Variants in CCDC148 observed in about 807,000 individuals in gnomAD.
CCDC148 encodes the protein coiled-coil domain-containing protein 148.
Under a neutral mutation model 85.7 loss-of-function variants are expected in CCDC148, and 89 were observed. That is an observed-to-expected ratio of 1.04 (90% CI 0.87 to 1.24). The LOEUF (loss-of-function observed/expected upper bound fraction) is 1.24, where lower values mean the gene tolerates loss of function less well. CCDC148 is among the 50% of genes most tolerant of loss of function. The pLI is 0.00. For synonymous variants in CCDC148, 230 were observed against 213.9 expected (o/e 1.08, Z -0.66); for missense variants, 692 against 671.7 (o/e 1.03, Z -0.33).
At chr2:158,230,236 G>C (rs1220572528) in intron 10 of CCDC148, among the ~76,000 whole-genome samples, 1 of 152,176 alleles carries the variant, frequency 6.6e-6, no homozygotes, top group Admixed American at 6.6e-5. Context: ...GAGACAGATA[G>C]TAAATGAATG....
At chr2:158,318,154 C>A (rs939486090) in intron 7 of CCDC148, among the ~76,000 whole-genome samples, 2 of 152,200 alleles carry the variant, frequency 1.3e-5, no homozygotes, top group Admixed American at 6.5e-5. Context: ...CCCAGGCCCA[C>A]TGTCCAGATA....
At chr2:158,215,086 T>C (rs900454441) in intron 11 of CCDC148, among the ~76,000 whole-genome samples, 4 of 152,154 alleles carry the variant, frequency 2.6e-5, no homozygotes, top group Admixed American at 1.3e-4. Context: ...TAGATCAGTT[T>C]TTAATCTAAT....
At chr2:158,338,195 C>A (rs940862604) in intron 7 of CCDC148, among the ~76,000 whole-genome samples, 2 of 152,088 alleles carry the variant, frequency 1.3e-5, no homozygotes, top group Non-Finnish European at 2.9e-5. Context: ...AATTTTAAAT[C>A]GCTGAACATT....
In CCDC148 at chr2:158,173,494, G is replaced by A. The variant is rs539197630; in HGVS notation, c.1630-1235C>T. 6.3e-4 allele frequency among the ~76,000 whole-genome samples: 96 copies of A among 152,156 alleles called. 1 individual carries two copies. Among genetic ancestry groups the A allele is most frequent in the African/African-American group, 2.1e-3 (87 of 41,542 alleles). ...GTTCAGAATAAATTAAGGTGGCAGG[G>A]AAAGAAGAAATGGAGGCCGAGAGAG... is the stretch of plus-strand genomic sequence containing the variant. On this transcript the variant is annotated intron_variant, in intron 13 of 13. Coordinates refer to ENST00000283233, the MANE Select transcript of CCDC148 (RefSeq NM_138803.4).
intron 1 of CCDC148, among the ~76,000 whole-genome samples, chr2:158,392,448 T>C (rs1685352223): frequency 6.6e-6 from 1 of 152,106 alleles, no homozygotes; most frequent in South Asian, 2.1e-4. Flanking sequence ...TTTGAAACTT[T>C]TGAGCACCAA....
intron 2 of CCDC148, among the ~76,000 whole-genome samples, chr2:158,353,714 G>T (rs1352492790): frequency 6.6e-6 from 1 of 152,102 alleles, no homozygotes; most frequent in Non-Finnish European, 1.5e-5. Context: ...ACTCAGCTCT[G>T]CACCAAGCAG....
chr2:158,352,246 GAGA>G (rs1294373350), intron 2 of CCDC148, among the ~76,000 whole-genome samples: 2 of 150,804 alleles, frequency 1.3e-5, no homozygotes, highest in East Asian at 2.0e-4. Context: ...GACGAGCTGA[GAGA>G]AGAAGGCTTC....
chr2:158,420,578 C>A (rs896080800), intron 1 of CCDC148, among the ~76,000 whole-genome samples: 13 of 152,066 alleles, frequency 8.5e-5, no homozygotes, highest in Non-Finnish European at 1.8e-4. Context: ...ACAAGAGCTC[C>A]CAAAGGAAGC....
chr2:158,266,523 C>T (rs1393459390), intron 9 of CCDC148, among the ~76,000 whole-genome samples: 3 of 152,058 alleles, frequency 2.0e-5, no homozygotes, highest in East Asian at 1.9e-4. Flanking sequence ...TCTGGCTACA[C>T]GAATAAGTTC....
At chr2:158,309,229 TTTGG>T (rs1334654014) in intron 9 of CCDC148, among the ~76,000 whole-genome samples, 200 bp downstream of exon 9, 1 of 152,222 alleles carries the variant, frequency 6.6e-6, no homozygotes, top group African/African-American at 2.4e-5. Context: ...ATAGTAACTT[TTTGG>T]TTGAACCATA....
chr2:158,254,774 T>C (rs1688943633), intron 9 of CCDC148, among the ~76,000 whole-genome samples: 1 of 151,534 alleles, frequency 6.6e-6, no homozygotes, highest in African/African-American at 2.4e-5. Context: ...GAATCGTCAT[T>C]GAATGACCTT....
rs61655275 is a variant in CCDC148 at position 158,374,372 on chromosome 2, T to G, written c.26-15802A>C. Among the ~76,000 whole-genome samples, 722 of 152,162 alleles carry G rather than the reference T, an allele frequency of 4.7e-3. 4 individuals carry two copies. The highest frequency in any genetic ancestry group is 0.016 in the African/African-American group (673 of 41,550). On this transcript the variant is annotated intron_variant, in intron 1 of 13. Transcript: ENST00000283233. ...CAAGAGCTTGGGGTTAAGAAGGAGA[T>G]TCTATGCATAGTAGACACAAATAAT...
At chr2:158,328,713 G>T (rs986126058) in intron 7 of CCDC148, among the ~76,000 whole-genome samples, 10 of 152,176 alleles carry the variant, frequency 6.6e-5, no homozygotes, top group African/African-American at 2.4e-4. Context: ...ATTCTAACTG[G>T]TGTGAGATGG....
rs150063463 is a variant in CCDC148 at position 158,415,920 on chromosome 2, C to T, written c.25+40495G>A. Among the ~76,000 whole-genome samples, 743 of 152,346 alleles carry T rather than the reference C, an allele frequency of 4.9e-3. 3 individuals carry two copies. Among genetic ancestry groups the T allele is most frequent in the African/African-American group, 0.017 (707 of 41,582 alleles). ...TCCATCTCCACATTTCCCCTCTACACTGTCCTAGTGGAGGTTCTCCATGAG... is the reference window on the plus strand; with the variant it reads ...TCCATCTCCACATTTCCCCTCTACATTGTCCTAGTGGAGGTTCTCCATGAG... On this transcript the variant is annotated intron_variant, in intron 1 of 13. Coordinates refer to ENST00000283233, the MANE Select transcript of CCDC148 (RefSeq NM_138803.4).
At chr2:158,441,814 T>C (rs964921899) in intron 1 of CCDC148, among the ~76,000 whole-genome samples, 3 of 152,180 alleles carry the variant, frequency 2.0e-5, no homozygotes, top group African/African-American at 4.8e-5. Flanking sequence ...ATATCTTCCA[T>C]GTTCATCAAG....
At chr2:158,332,170 T>C (rs936514125) in intron 7 of CCDC148, among the ~76,000 whole-genome samples, 3 of 152,016 alleles carry the variant, frequency 2.0e-5, no homozygotes, top group Admixed American at 6.6e-5. Flanking sequence ...ATGTTTAGTG[T>C]TTCCTTCAGG....
intron 1 of CCDC148, among the ~76,000 whole-genome samples, chr2:158,409,844 C>T (rs1686183454): frequency 1.3e-5 from 2 of 152,050 alleles, no homozygotes; most frequent in Admixed American, 6.6e-5. Flanking sequence ...GGGAGGGACC[C>T]GGTGGGAGAT....
chr2:158,223,444 T>C (rs990282042), intron 10 of CCDC148, among the ~76,000 whole-genome samples: 1 of 152,140 alleles, frequency 6.6e-6, no homozygotes, highest in African/African-American at 2.4e-5. Context: ...GACTTAAATG[T>C]CCCTGTCTGA....
At chr2:158,441,030 G>A (rs1009366332) in intron 1 of CCDC148, among the ~76,000 whole-genome samples, 4 of 152,076 alleles carry the variant, frequency 2.6e-5, no homozygotes, top group Admixed American at 2.0e-4. Flanking sequence ...ACTCCAGCCT[G>A]GGTGACACAG....
Sources: allele counts gnomAD v4.1 joint callset (sites outside exome capture counted in the v4.1 genomes callset), GRCh38; gene constraint gnomAD v4.1.1; transcripts MANE v1.5; gene names NCBI Gene and HGNC (gene_info 2026-07-23, HGNC 2026-07-21).